Variants in DPYD observed in about 807,000 individuals in gnomAD.
The protein encoded by DPYD is dihydropyrimidine dehydrogenase, also known as dihydropyrimidine dehydrogenase [NADP(+)].
In DPYD, 109 loss-of-function variants were observed where a neutral mutation model predicts 116.2. The ratio of observed to expected loss-of-function variants is 0.94; its 90% CI spans 0.80 to 1.10. The LOEUF is 1.10. Among genes scored for constraint, DPYD ranks in the 50% least tolerant of loss-of-function variants. The probability of loss-of-function intolerance (pLI) is 0.00; values close to 1 mark genes in which losing one functional copy is unlikely to be tolerated. For missense variants in DPYD, 1,302 were observed against 1,254.5 expected (o/e 1.04, Z -0.57); for synonymous variants, 440 against 432.0 (o/e 1.02, Z -0.23).
intron 14 of DPYD, among the ~76,000 whole-genome samples, chr1:97,430,231 T>C (rs1675099867): frequency 6.6e-6 from 1 of 152,106 alleles, no homozygotes; most frequent in Non-Finnish European, 1.5e-5. Context: ...AGATGTGTAG[T>C]AGTTCCTTAG....
At chr1:97,396,963 G>GT (rs1157400216) in intron 14 of DPYD, among the ~76,000 whole-genome samples, 3 of 151,946 alleles carry the variant, frequency 2.0e-5, no homozygotes, top group African/African-American at 4.8e-5. Flanking sequence ...TCAGATAGAT[G>GT]TTTATTTATA....
intron 11 of DPYD, among the ~76,000 whole-genome samples, chr1:97,561,759 C>T (rs545478080): frequency 3.9e-5 from 6 of 152,158 alleles, no homozygotes; most frequent in South Asian, 4.1e-4. Context: ...ATAATCTAGA[C>T]GAAGAAACTC....
intron 14 of DPYD, among the ~76,000 whole-genome samples, chr1:97,416,616 G>T (rs1433738393): frequency 6.6e-6 from 1 of 152,088 alleles, no homozygotes; most frequent in East Asian, 1.9e-4. Flanking sequence ...TCAGCAGTTG[G>T]CATTGCCTGT....
At chr1:97,396,130 G>T (rs147910955) in intron 14 of DPYD, among the ~76,000 whole-genome samples, 1 of 152,118 alleles carries the variant, frequency 6.6e-6, no homozygotes, top group Admixed American at 6.6e-5. Flanking sequence ...ATTACATGCT[G>T]TGTACTTGCA....
At chr1:97,563,856 A>G (rs1253669552) in intron 11 of DPYD, among the ~76,000 whole-genome samples, 1 of 152,172 alleles carries the variant, frequency 6.6e-6, no homozygotes, top group South Asian at 2.1e-4. Context: ...AAACCTGTGC[A>G]AGGATTCCAT....
At chr1:97,552,048 A>C (rs1247751735) in intron 11 of DPYD, among the ~76,000 whole-genome samples, 1 of 152,070 alleles carries the variant, frequency 6.6e-6, no homozygotes, top group East Asian at 1.9e-4. Context: ...TTTGGTATCC[A>C]TGGGGGATCC....
At chr1:97,529,697 CTT>C (rs757073957) in intron 12 of DPYD, among the ~76,000 whole-genome samples, 11 of 148,858 alleles carry the variant, frequency 7.4e-5, no homozygotes, top group African/African-American at 2.5e-4. Context: ...TCTTTCTTTC[CTT>C]TCTTTTTTCT....
At chr1:97,221,775 T>G (rs973908447) in intron 19 of DPYD, among the ~76,000 whole-genome samples, 2 of 152,020 alleles carry the variant, frequency 1.3e-5, no homozygotes, top group Non-Finnish European at 2.9e-5. Context: ...TAAAATCAAT[T>G]TATGAACTAA....
intron 13 of DPYD, among the ~76,000 whole-genome samples, chr1:97,514,769 T>G (rs1648080720): frequency 6.6e-6 from 1 of 151,828 alleles, no homozygotes; most frequent in Non-Finnish European, 1.5e-5. Flanking sequence ...ACTTACACAT[T>G]GCATCTTGTA....
intron 13 of DPYD, among the ~76,000 whole-genome samples, chr1:97,471,706 A>G (rs1677669900): frequency 6.6e-6 from 1 of 151,712 alleles, no homozygotes; most frequent in South Asian, 2.1e-4. Context: ...CTCCTGCCAC[A>G]GCCTCCCGAG....
At chr1:97,540,390 AAC>A (rs1197988564) in intron 12 of DPYD, among the ~76,000 whole-genome samples, 1 of 149,658 alleles carries the variant, frequency 6.7e-6, no homozygotes, top group African/African-American at 2.5e-5. Flanking sequence ...AACAAAACAA[AAC>A]AAAAACCAAA....
chr1:97,461,317 G>C (rs189030048), intron 13 of DPYD, among the ~76,000 whole-genome samples: 4 of 152,262 alleles, frequency 2.6e-5, no homozygotes, highest in Admixed American at 2.6e-4. Flanking sequence ...AAATTTGTAT[G>C]CCCTTTCTCC....
chr1:97,535,072 T>C (rs966633467), intron 12 of DPYD, among the ~76,000 whole-genome samples: 2 of 152,046 alleles, frequency 1.3e-5, no homozygotes, highest in African/African-American at 4.8e-5. Flanking sequence ...AAAGGCAACA[T>C]GATATTCCCA....
chr1:97,303,467 T>C (rs1666980216), intron 18 of DPYD, among the ~76,000 whole-genome samples: 1 of 152,040 alleles, frequency 6.6e-6, no homozygotes, highest in South Asian at 2.1e-4. Context: ...CTCGTAAAAT[T>C]TGAAACCATT....
intron 8 of DPYD, among the ~76,000 whole-genome samples, chr1:97,604,300 A>T (rs1327477583): frequency 6.6e-6 from 1 of 152,138 alleles, no homozygotes; most frequent in Non-Finnish European, 1.5e-5. Context: ...AGAAGCTACA[A>T]AACCGCATCT....
At chr1:97,251,752 A>G (rs372913620) in intron 18 of DPYD, among the ~76,000 whole-genome samples, 10 of 152,310 alleles carry the variant, frequency 6.6e-5, no homozygotes, top group East Asian at 1.9e-4. Flanking sequence ...GACAGGTATT[A>G]CGGCTAGACT....
chr1:97,612,152 C>T (rs1208544800), intron 8 of DPYD, among the ~76,000 whole-genome samples: 1 of 151,932 alleles, frequency 6.6e-6, no homozygotes, highest in Non-Finnish European at 1.5e-5. Context: ...AATAGACCAA[C>T]TTAATATGGT....
chr1:97,138,540 C>T (rs140710967), intron 20 of DPYD, among the ~76,000 whole-genome samples: 41 of 152,172 alleles, frequency 2.7e-4, no homozygotes, highest in African/African-American at 8.4e-4. Context: ...GGTGAGCTTG[C>T]GAGCTGGTGA....
Position 97,237,113 on chromosome 1 carries a change from C to T in DPYD, c.2300-2119G>A, listed in dbSNP as rs189664358. Among the ~76,000 whole-genome samples, 1,007 of 151,680 alleles carry T rather than the reference C, an allele frequency of 6.6e-3. 1 individual carries two copies. The highest frequency in any genetic ancestry group is 0.014 in the Middle Eastern group (4 of 292). ...AAAATTATCTGGACTTGGTGGCGGG[C>T]GCCTGTAATCCCAGCTACCCAGGAG... On this transcript the variant is annotated intron_variant, in intron 18 of 22. Coordinates refer to ENST00000370192, the MANE Select transcript of DPYD (RefSeq NM_000110.4).
Sources: gnomAD v4.1 joint callset for allele counts (sites outside exome capture counted in the v4.1 genomes callset) on GRCh38, gnomAD v4.1.1 for gene constraint, MANE v1.5 for transcripts, NCBI Gene and HGNC (gene_info 2026-07-23, HGNC 2026-07-21) for gene names.